EML2: variants seen among roughly 807,000 people sequenced by gnomAD.
EML2 encodes EMAP like 2.
A neutral mutation model predicts 84.7 loss-of-function variants in EML2; 59 were observed. That is an observed-to-expected ratio of 0.70 (90% CI 0.56 to 0.86). The LOEUF is 0.86. Among genes scored for constraint, EML2 ranks in the 40% least tolerant of loss-of-function variants. The pLI, the probability that EML2 is intolerant of heterozygous loss-of-function variation, is 0.00. For missense variants in EML2, 818 were observed against 855.6 expected, an observed-to-expected ratio of 0.96 and a Z score of 0.55; for synonymous variants, 352 against 348.9, an observed-to-expected ratio of 1.01 and a Z score of -0.10.
intron 11 of EML2, chr19:45,619,441 G>T: frequency 3.3e-6 from 1 of 301,092 alleles, no homozygotes; most frequent in Non-Finnish European, 6.3e-6. Context: ...ACAATGGGAG[G>T]CAGGAGGGCA....
chr19:45,614,244 A>T (rs1970785621), intron 17 of EML2, among the ~76,000 whole-genome samples: 1 of 152,110 alleles, frequency 6.6e-6, no homozygotes, highest in Admixed American at 6.6e-5. Flanking sequence ...TGCCTCCCCC[A>T]CTGGACTGAG....
In EML2 at chr19:45,621,623, T is replaced by G. The variant is rs753869736; in HGVS notation, c.856A>C (p.Thr286Pro). ...TCGTGGGCGCCCAGCACCGCCTGTG[T>G]GATACGGTTCCCACCTGCAGGGTGG... ...YVWGKGGNRI[T>P]QAVLGAHDGG... is the part of the protein sequence containing the mutation. Residue 286 changes from threonine to proline, a missense_variant, in exon 10 of 19, where the codon ACA becomes CCA. Coordinates refer to ENST00000245925, the MANE Select transcript of EML2 (RefSeq NM_012155.4). 41 of 1,608,138 alleles carry G rather than the reference T, an allele frequency of 2.5e-5. No individual in the cohort carries two copies. Among genetic ancestry groups the G allele is most frequent in the East Asian group, 1.6e-4 (7 of 44,864 alleles).
At chr19:45,616,041 G>C in intron 15 of EML2, 152 bp from the exon 16 acceptor site, 2 of 655,738 alleles carry the variant, frequency 3.1e-6, no homozygotes, top group Admixed American at 4.5e-5. Context: ...TTTGGAGTAT[G>C]GGGGCAGGGC....
At chr19:45,645,449 A>G (rs910485531), upstream of EML2, 48 of 1,415,276 alleles carry the variant, frequency 3.4e-5, no homozygotes, top group Non-Finnish European at 3.7e-5. Context: ...CAGCATCCCC[A>G]GCTCAGCTCG....
At chr19:45,624,846 C>T in intron 8 of EML2, 28 bp from the exon 9 acceptor site, 1 of 1,540,990 alleles carries the variant, frequency 6.5e-7, no homozygotes, top group Non-Finnish European at 8.9e-7. Context: ...AGGAAGGTGT[C>T]AGAGCGTCAC....
At chr19:45,617,782 A>G in intron 12 of EML2, 85 bp from the exon 13 acceptor site, 1 of 1,260,000 alleles carries the variant, frequency 7.9e-7, no homozygotes, top group East Asian at 2.4e-5. Context: ...GCCAAGTCTA[A>G]TCTTTGCATG....
chr19:45,615,932 G>T, intron 15 of EML2, 43 bp from the exon 16 acceptor site: 1 of 1,450,858 alleles, frequency 6.9e-7, no homozygotes, highest in Non-Finnish European at 9.7e-7. Context: ...GCAGAGGGCG[G>T]AACCAAGGAG....
chr19:45,621,686 CTGACCCCTGAAAGCATCT>C (rs777380317), intron 9 of EML2, 49 bp from the exon 10 acceptor site: 1 of 1,570,830 alleles, frequency 6.4e-7, no homozygotes, highest in East Asian at 2.3e-5. Flanking sequence ...CACCCCTATG[CTGACCCCTGAAAGCATCT>C]TGAACTCTCA....
chr19:45,639,333 G>A, intron 1 of EML2, 24 bp downstream of exon 1: 1 of 1,343,470 alleles, frequency 7.4e-7, no homozygotes. Flanking sequence ...AGGAGATGGG[G>A]GGTGGTCTGC....
At position 45,615,897 on chromosome 19, in the gene EML2, G is replaced by A; in HGVS notation, c.1510-8C>T. ...GATAAAACTGGAATGGCCCTGCGGG[G>A]GAGGGAAGGGATGGTGTTAGAGCTG... On this transcript the variant is annotated splice_region_variant and splice_polypyrimidine_tract_variant and intron_variant, in intron 15 of 18. Transcript: ENST00000245925. 6.2e-7 allele frequency: 1 copy of A among 1,610,700 alleles called. No homozygotes were observed. The highest frequency in any genetic ancestry group is 8.5e-7 in the Non-Finnish European group (1 of 1,177,060).
intron 7 of EML2, among the ~76,000 whole-genome samples, chr19:45,628,060 C>A (rs1190062726): frequency 2.7e-5 from 4 of 147,032 alleles, no homozygotes. Context: ...AGGAAAACTC[C>A]GTCTCACAAA....
Position 45,631,884 on chromosome 19 carries a change from A to ATTTTTTTTTTTTTTT in EML2, c.510+962_510+976dup, listed in dbSNP as rs755529171. 3.3e-5 allele frequency among the ~76,000 whole-genome samples: 3 copies of ATTTTTTTTTTTTTTT among 90,332 alleles called. 1 individual carries two copies. The highest frequency in any genetic ancestry group is 8.5e-5 in the African/African-American group (2 of 23,588). The allele number at this position is 90,332 out of a possible 152,430, so 59.3% of individuals were successfully genotyped here. On this transcript the variant is annotated intron_variant, in intron 6 of 18. Transcript: ENST00000245925. ...ACACTAGTACACCCAGCTAATTAGA[A>ATTTTTTTTTTTTTTT]TTTTTTTTTTTTTTTTTTTTTTTTT...
chr19:45,638,523 C>G lies in EML2; in HGVS notation c.161G>C (p.Arg54Pro). The G allele has an allele frequency of 6.2e-7, 1 of 1,614,050 alleles. No individual in the cohort carries two copies. Among genetic ancestry groups the G allele is most frequent in the Non-Finnish European group, 8.5e-7 (1 of 1,180,026 alleles). ...AGGATACACCCACTCCAGCTTGAGC[C>G]GGCAAGAAGGCAGCTCCGAGCGTGT... ...LDTRSELPSC[R>P]LKLEWVYGYR... is the part of the protein sequence containing the mutation. The change falls in exon 3 of 19, where the codon CGG becomes CCG. Residue 54 changes from arginine to proline, a missense_variant. Physicochemically the swap from Arg to Pro is moderately radical, Grantham distance 103. Coordinates refer to ENST00000245925, the MANE Select transcript of EML2 (RefSeq NM_012155.4).
upstream of EML2, chr19:45,641,984 G>T (rs1308033971): frequency 6.9e-7 from 1 of 1,445,532 alleles, no homozygotes; most frequent in Non-Finnish European, 9.0e-7. Flanking sequence ...CACGCGCCGC[G>T]GGGGTCCCGA....
At position 45,617,700 on chromosome 19, in the gene EML2, G is replaced by A; in HGVS notation, c.1255-3C>T. 1.2e-6 allele frequency: 2 copies of A among 1,613,310 alleles called. No homozygotes were observed. The highest frequency in any genetic ancestry group is 1.7e-6 in the Non-Finnish European group (2 of 1,179,682). On this transcript the variant is annotated splice_region_variant and splice_polypyrimidine_tract_variant and intron_variant, in intron 12 of 18. Transcript: ENST00000245925. ...AAGCCGGCTGAGCGGGCAGGGTCCT[G>A]AGAAGGGAGAGAGAAGAGGCAGGGC...
upstream of EML2, chr19:45,645,323 G>C (rs1331726520): frequency 3.9e-6 from 6 of 1,532,462 alleles, no homozygotes; most frequent in African/African-American, 1.4e-5. Context: ...GCAGAAGGCC[G>C]GGCCGCGCTC....
intron 18 of EML2, among the ~76,000 whole-genome samples, chr19:45,611,008 TAGA>T (rs1970437912): frequency 1.3e-5 from 2 of 152,262 alleles, no homozygotes; most frequent in South Asian, 4.2e-4. Flanking sequence ...AAACCAACCA[TAGA>T]AGGCCAGTCT....
Position 45,621,249 on chromosome 19 carries a change from G to A in EML2, c.1080C>T (p.Ile360=), listed in dbSNP as rs2122661597. Residue 360 remains isoleucine, a synonymous_variant, in exon 11 of 19, where the codon ATC becomes ATT. Coordinates refer to ENST00000245925, the MANE Select transcript of EML2 (RefSeq NM_012155.4). ...TLYVGTTRNS[I]LQGSVHTGFS... ...AGCCTGTGTGCACGGAGCCCTGCAG[G>A]ATGGAATTGCGGGTGGTCCCCACGT... is the stretch of plus-strand genomic sequence containing the variant. The A allele has an allele frequency of 1.9e-6, 3 of 1,614,068 alleles. No individual in the cohort carries two copies. In the East Asian group the frequency reaches 6.7e-5, roughly 36 times the overall value.
chr19:45,634,157 C>T lies in EML2; in HGVS notation c.329+165G>A, dbSNP rs1157213652. On this transcript the variant is annotated intron_variant, in intron 4 of 18. Coordinates refer to ENST00000245925, the MANE Select transcript of EML2 (RefSeq NM_012155.4). Reference sequence around the variant, plus strand: ...TTGATACTCAATCCACATTTTCCCACTAAATTCAGCCTGAGGGCAGCTGGT... The same window carrying T: ...TTGATACTCAATCCACATTTTCCCATTAAATTCAGCCTGAGGGCAGCTGGT... 2.6e-5 allele frequency among the ~76,000 whole-genome samples: 4 copies of T among 152,204 alleles called. No homozygotes were observed. The East Asian group carries it at 7.7e-4, about 29-fold the overall frequency.
Sources: gnomAD v4.1 joint callset for allele counts (sites outside exome capture counted in the v4.1 genomes callset) on GRCh38, gnomAD v4.1.1 for gene constraint, MANE v1.5 for transcripts, NCBI Gene and HGNC (gene_info 2026-07-23, HGNC 2026-07-21) for gene names.